The following STX11 variants were observed in gnomAD, a reference collection of about 807,000 sequenced individuals.
STX11 encodes the protein syntaxin-11.
Under a neutral mutation model 19.9 loss-of-function variants are expected in STX11, and 21 were observed. The observed-to-expected ratio is 1.06, with a 90% CI of 0.75 to 1.52. The LOEUF is 1.52. Among genes scored for constraint, STX11 ranks in the 40% most tolerant of loss-of-function variants. The pLI is 0.00. For missense variants in STX11, 438 were observed against 405.9 expected (o/e 1.08, Z -0.68); for synonymous variants, 193 against 174.4 (o/e 1.11, Z -0.84).
Position 144,182,860 on chromosome 6 carries a change from G to C in STX11, c.-5-3763G>C, listed in dbSNP as rs1801940862. Among the ~76,000 whole-genome samples the C allele has an allele frequency of 6.6e-6, 1 of 152,128 alleles. No homozygotes were observed. Among genetic ancestry groups the C allele is most frequent in the African/African-American group, 2.4e-5 (1 of 41,412 alleles). The stretch of plus-strand genomic sequence containing the variant: ...GGCATCTCTCACCTATTCTTGCCTT[G>C]TTCATCAAAATGCATCCATTCCATC... On this transcript the variant is annotated intron_variant, in intron 1 of 1. Coordinates refer to ENST00000367568, the MANE Select transcript of STX11 (RefSeq NM_003764.4). The surrounding 1 kb of genome is among the most constrained non-coding windows in gnomAD (Gnocchi z 4.8).
At chr6:144,185,617 A>G (rs1802008677) in intron 1 of STX11, among the ~76,000 whole-genome samples, 1 of 152,224 alleles carries the variant, frequency 6.6e-6, no homozygotes, top group African/African-American at 2.4e-5. Context: ...AAGCTATTAA[A>G]AGTGGGCAAA....
chr6:144,173,702 T>C (rs1318407300), intron 1 of STX11, among the ~76,000 whole-genome samples: 2 of 152,242 alleles, frequency 1.3e-5, no homozygotes, highest in African/African-American at 4.8e-5. Flanking sequence ...CCTTTGGAGC[T>C]GCCATAGGCA....
At chr6:144,185,431 A>G (rs7751168) in intron 1 of STX11, among the ~76,000 whole-genome samples, 6,380 of 152,330 alleles carry the variant, frequency 0.042, 425 homozygotes, top group African/African-American at 0.13. Context: ...GTGTATAAAC[A>G]CAAGATATTC....
rs1005140028 is a variant in STX11 at position 144,177,675 on chromosome 6, G to C, written c.-5-8948G>C. Among the ~76,000 whole-genome samples the C allele has an allele frequency of 6.6e-6, 1 of 152,106 alleles. No homozygotes were observed. Among genetic ancestry groups the C allele is most frequent in the East Asian group, 1.9e-4 (1 of 5,186 alleles). The stretch of plus-strand genomic sequence containing the variant: ...TGAGGCAGGAGAATTGCTTGAACCC[G>C]GGAGGCAAAGGTTGCGGTGAGCCAA... On this transcript the variant is annotated intron_variant, in intron 1 of 1. Transcript: ENST00000367568. The surrounding 1 kb of genome is among the most constrained non-coding windows in gnomAD (Gnocchi z 4.4).
At chr6:144,156,332 G>T (rs1801164770) in intron 1 of STX11, among the ~76,000 whole-genome samples, 1 of 152,080 alleles carries the variant, frequency 6.6e-6, no homozygotes, top group African/African-American at 2.4e-5. Context: ...CCTGAGTGCT[G>T]GGATTATAGG....
At chr6:144,164,626 GGT>G (rs1801430898) in intron 1 of STX11, among the ~76,000 whole-genome samples, 1 of 152,208 alleles carries the variant, frequency 6.6e-6, no homozygotes, top group East Asian at 1.9e-4. Flanking sequence ...AAATTCTGTT[GGT>G]ATTAAAAGAT....
In STX11 at chr6:144,153,898, G is replaced by A. The variant is rs543302496; in HGVS notation, c.-6+3195G>A. Reference sequence around the variant, plus strand: ...TGGAAGAATAGGTTTGGGCTAAAGGGTGGTGAGGAGCTCACACAGTACTTG... The same window carrying A: ...TGGAAGAATAGGTTTGGGCTAAAGGATGGTGAGGAGCTCACACAGTACTTG... On this transcript the variant is annotated intron_variant, in intron 1 of 1. Transcript: ENST00000367568. The surrounding 1 kb of genome is among the most constrained non-coding windows in gnomAD (Gnocchi z 5.0). Among the ~76,000 whole-genome samples the A allele has an allele frequency of 1.6e-4, 25 of 152,294 alleles. No individual in the cohort carries two copies. Among genetic ancestry groups the A allele is most frequent in the Admixed American group, 7.2e-4 (11 of 15,300 alleles).
Position 144,180,500 on chromosome 6 carries a change from A to G in STX11, c.-5-6123A>G, listed in dbSNP as rs113446768. Among the ~76,000 whole-genome samples, 1,398 of 152,318 alleles carry G rather than the reference A, an allele frequency of 9.2e-3. 10 individuals are homozygous for G. The highest frequency in any genetic ancestry group is 0.032 in the South Asian group (154 of 4,826). On this transcript the variant is annotated intron_variant, in intron 1 of 1. Coordinates refer to ENST00000367568, the MANE Select transcript of STX11 (RefSeq NM_003764.4). The surrounding 1 kb of genome is among the most constrained non-coding windows in gnomAD (Gnocchi z 5.3). The stretch of plus-strand genomic sequence containing the variant: ...CCCTGTGCTATTCTCGTGATAGTGA[A>G]TAAGTCTCATGAGATCTGATGGGTT...
the STX11 span, among the ~76,000 whole-genome samples, chr6:144,140,240 ATATATATATATATATT>A: frequency 2.3e-3 from 113 of 48,602 alleles, 4 homozygotes; most frequent in African/African-American, 5.7e-3. Flanking sequence ...ATATATATAT[ATATATATATATATATT>A]TATTTATTTA....
chr6:144,188,988 A>G lies in STX11; in HGVS notation c.*1497A>G, dbSNP rs1208333157. 6.6e-6 allele frequency among the ~76,000 whole-genome samples: 1 copy of G among 151,760 alleles called. No individual in the cohort carries two copies. The highest frequency in any genetic ancestry group is 1.5e-5 in the Non-Finnish European group (1 of 67,976). ...TGATCCGCCCGCCTCAGCCTCCCAT[A>G]GTGCTGGGATTACAGGTGTGAGCCA... is the stretch of plus-strand genomic sequence containing the variant. On this transcript the variant is annotated 3_prime_UTR_variant, in exon 2 of 2. Transcript: ENST00000367568.
chr6:144,172,293 G>A lies in STX11; in HGVS notation c.-5-14330G>A, dbSNP rs1477697015. Among the ~76,000 whole-genome samples the A allele has an allele frequency of 6.6e-6, 1 of 152,180 alleles. No homozygotes were observed. Among genetic ancestry groups the A allele is most frequent in the Non-Finnish European group, 1.5e-5 (1 of 68,042 alleles). ...GTGATTCTTCTACGGATCTCACCTG[G>A]ACTCAGTCATGCAGCTGTAGAGGTG... is the stretch of plus-strand genomic sequence containing the variant. On this transcript the variant is annotated intron_variant, in intron 1 of 1. Coordinates refer to ENST00000367568, the MANE Select transcript of STX11 (RefSeq NM_003764.4). The surrounding 1 kb of genome is among the most constrained non-coding windows in gnomAD (Gnocchi z 4.2).
intron 1 of STX11, 76 bp from the exon 2 acceptor site, chr6:144,186,547 G>A (rs2128756605): frequency 6.3e-7 from 1 of 1,597,716 alleles, no homozygotes; most frequent in Non-Finnish European, 8.6e-7. Context: ...TGAGTAAAAT[G>A]TTTAAGTTTC....
chr6:144,145,455 C>G, the STX11 span, among the ~76,000 whole-genome samples: 1 of 152,162 alleles, frequency 6.6e-6, no homozygotes, highest in Non-Finnish European at 1.5e-5. Context: ...TTGCATGTCC[C>G]TGTTCATTGC....
At chr6:144,157,247 G>C (rs1262893188) in intron 1 of STX11, among the ~76,000 whole-genome samples, 1 of 152,184 alleles carries the variant, frequency 6.6e-6, no homozygotes, top group Non-Finnish European at 1.5e-5. Context: ...CAACAGGGAG[G>C]AGCTTGGAAG....
chr6:144,183,677 G>C lies in STX11; in HGVS notation c.-5-2946G>C, dbSNP rs1420002403. ...GTACTTGCTTAGTTCAGCAGAAGCT[G>C]AGAGAGGTCTCAAGACCCTGAACAA... On this transcript the variant is annotated intron_variant, in intron 1 of 1. Transcript: ENST00000367568. The surrounding 1 kb of genome is among the most constrained non-coding windows in gnomAD (Gnocchi z 4.6). 2.0e-5 allele frequency among the ~76,000 whole-genome samples: 3 copies of C among 152,186 alleles called. No homozygotes were observed. Among genetic ancestry groups the C allele is most frequent in the Non-Finnish European group, 4.4e-5 (3 of 68,032 alleles).
rs1801066925 is a variant in STX11 at position 144,153,828 on chromosome 6, TC to T, written c.-6+3128del. On this transcript the variant is annotated intron_variant, in intron 1 of 1. Coordinates refer to ENST00000367568, the MANE Select transcript of STX11 (RefSeq NM_003764.4). This position sits in a 1 kb window ranked among gnomAD's most constrained non-coding sequence, Gnocchi z 5.0. ...AGGAGGTAGGAGCAGTTGAGATGAC[TC>T]CCATGTTTCTAATGAATGACTAGGA... is the stretch of plus-strand genomic sequence containing the variant. 6.6e-6 allele frequency among the ~76,000 whole-genome samples: 1 copy of T among 152,078 alleles called. No homozygotes were observed.
At position 144,186,817 on chromosome 6, in the gene STX11, C is replaced by G. The variant is rs771495505; in HGVS notation, c.190C>G (p.Arg64Gly). 5.6e-6 allele frequency: 9 copies of G among 1,613,418 alleles called. No homozygotes were observed. Among genetic ancestry groups the G allele is most frequent in the African/African-American group, 1.3e-5 (1 of 74,982 alleles). ...ENQLLVADVK[R>G]LGKQNARFLT... ...CCAGCTGCTGGTGGCCGACGTGAAGCGGCTGGGAAAGCAGAACGCCCGCTT... is the reference window on the plus strand; with the variant it reads ...CCAGCTGCTGGTGGCCGACGTGAAGGGGCTGGGAAAGCAGAACGCCCGCTT... The change falls in exon 2 of 2, where the codon CGG becomes GGG. Residue 64 changes from arginine to glycine, a missense_variant. Physicochemically the swap from Arg to Gly is moderately radical, Grantham distance 125. Transcript: ENST00000367568.
chr6:144,163,661 TC>T (rs1213262996), intron 1 of STX11, among the ~76,000 whole-genome samples: 1 of 152,032 alleles, frequency 6.6e-6, no homozygotes, highest in Non-Finnish European at 1.5e-5. Context: ...GTATTTTTTT[TC>T]TTAGTAGAGA....
At position 144,187,263 on chromosome 6, in the gene STX11, C is replaced by T; in HGVS notation, c.636C>T (p.Arg212=). Residue 212 remains arginine (R), a synonymous_variant, in exon 2 of 2, where the codon CGC becomes CGT. Coordinates refer to ENST00000367568, the MANE Select transcript of STX11 (RefSeq NM_003764.4). This position sits in a 1 kb window ranked among gnomAD's most constrained non-coding sequence, Gnocchi z 5.6. The part of the protein sequence containing the change: ...AALNEIESRH[R]ELLRLESRIR... ...TCAACGAGATCGAGAGCCGCCACCGCGAACTGCTGCGCCTGGAGAGCCGCA... is the reference window on the plus strand; with the variant it reads ...TCAACGAGATCGAGAGCCGCCACCGTGAACTGCTGCGCCTGGAGAGCCGCA... 1 of 1,613,578 alleles carries T rather than the reference C, an allele frequency of 6.2e-7. No individual in the cohort carries two copies. The highest frequency in any genetic ancestry group is 8.5e-7 in the Non-Finnish European group (1 of 1,179,946).
Sources: gnomAD v4.1 joint callset for allele counts (sites outside exome capture counted in the v4.1 genomes callset) on GRCh38, gnomAD v4.1.1 for gene constraint, Gnocchi (gnomAD v3.1) non-coding constraint, MANE v1.5 for transcripts, NCBI Gene and HGNC (gene_info 2026-07-23, HGNC 2026-07-21) for gene names.